Variants in HIKESHI observed in about 807,000 individuals in gnomAD.
HIKESHI encodes the protein heat shock protein nuclear import factor hikeshi, also known as protein Hikeshi.
Under a neutral mutation model 25.7 loss-of-function variants are expected in HIKESHI, and 13 were observed. The observed-to-expected ratio is 0.51, with a 90% CI of 0.33 to 0.80. The LOEUF (loss-of-function observed/expected upper bound fraction) is 0.80. Among genes scored for constraint, HIKESHI ranks in the 30% least tolerant of loss-of-function variants. The probability of loss-of-function intolerance (pLI) is 0.02; values close to 1 mark genes in which losing one functional copy is unlikely to be tolerated. For synonymous variants in HIKESHI, 76 were observed against 78.7 expected (o/e 0.97, Z 0.18); for missense variants, 174 against 229.5 (o/e 0.76, Z 1.56).
rs1369641472 is a variant in HIKESHI, at chr11:86,328,454, C to T, written c.269-8925C>T. 4.2e-5 allele frequency among the ~76,000 whole-genome samples: 6 copies of T among 144,368 alleles called. 1 individual carries two copies. Among genetic ancestry groups the T allele is most frequent in the South Asian group, 4.4e-4 (2 of 4,572 alleles). 94.7% of individuals were successfully genotyped at this position (144,368 alleles called of 152,430 possible). A position where few individuals can be genotyped will look rare whatever the true frequency, so the allele number is the denominator to read the frequency against. Reference sequence around the variant, plus strand: ...TTTTTGTTTTTTTTTTTTTTTGAGACGGAGTCTGGCTCTGTTGCCGAGGCT... The same window carrying T: ...TTTTTGTTTTTTTTTTTTTTTGAGATGGAGTCTGGCTCTGTTGCCGAGGCT... On this transcript the variant is annotated intron_variant, in intron 2 of 4. Transcript: ENST00000278483.
At chr11:86,331,242 C>A (rs947220687) in intron 2 of HIKESHI, among the ~76,000 whole-genome samples, 1 of 152,148 alleles carries the variant, frequency 6.6e-6, no homozygotes, top group Non-Finnish European at 1.5e-5. Flanking sequence ...GTAATCCCAG[C>A]ACTTTGGGAG....
intron 2 of HIKESHI, among the ~76,000 whole-genome samples, chr11:86,335,331 G>A (rs541317500): frequency 6.6e-6 from 1 of 152,300 alleles, no homozygotes; most frequent in East Asian, 1.9e-4. Context: ...ACTGTTGCCC[G>A]AGGCAAAGGA....
At chr11:86,345,215 A>C (rs147733341) in intron 4 of HIKESHI, 4 of 888,936 alleles carry the variant, frequency 4.5e-6, no homozygotes, top group Admixed American at 1.1e-4. Context: ...ATTTTGGCAT[A>C]ATGTAGCTAT....
intron 3 of HIKESHI, 133 bp downstream of exon 3, chr11:86,337,663 A>C: frequency 9.0e-7 from 1 of 1,116,908 alleles, no homozygotes; most frequent in Non-Finnish European, 1.2e-6. Flanking sequence ...GTTTTGTTTT[A>C]TTTTGTTTTT....
intron 1 of HIKESHI, among the ~76,000 whole-genome samples, chr11:86,305,399 A>G (rs967537335): frequency 6.6e-6 from 1 of 151,612 alleles, no homozygotes; most frequent in Non-Finnish European, 1.5e-5. Flanking sequence ...TTATTTATTT[A>G]TTTTTTTGAG....
chr11:86,340,084 C>T (rs1218458314), intron 3 of HIKESHI, among the ~76,000 whole-genome samples: 1 of 152,228 alleles, frequency 6.6e-6, no homozygotes, highest in East Asian at 1.9e-4. Flanking sequence ...TTGAACTCAC[C>T]CTTTTTTATA....
intron 2 of HIKESHI, among the ~76,000 whole-genome samples, chr11:86,317,486 C>A (rs1484606070): frequency 6.6e-6 from 1 of 152,086 alleles, no homozygotes; most frequent in Non-Finnish European, 1.5e-5. Flanking sequence ...TTTGAAAAGA[C>A]TGATGAAAAG....
At chr11:86,311,789 C>G (rs1281384378) in intron 2 of HIKESHI, among the ~76,000 whole-genome samples, 5 of 152,160 alleles carry the variant, frequency 3.3e-5, no homozygotes, top group Non-Finnish European at 5.9e-5. Context: ...CAAAGAACAT[C>G]TTTATTTCTG....
intron 2 of HIKESHI, among the ~76,000 whole-genome samples, chr11:86,321,690 C>G (rs1038374933): frequency 2.6e-5 from 4 of 151,950 alleles, no homozygotes; most frequent in Admixed American, 2.0e-4. Flanking sequence ...CCATTATGCC[C>G]GGCTGATTTT....
chr11:86,320,469 G>A (rs1334749518), intron 2 of HIKESHI, among the ~76,000 whole-genome samples: 4 of 152,176 alleles, frequency 2.6e-5, no homozygotes, highest in Non-Finnish European at 5.9e-5. Flanking sequence ...CCAGCTACTC[G>A]GGAGGCTGAG....
At chr11:86,305,060 CG>C (rs1358070544) in intron 1 of HIKESHI, among the ~76,000 whole-genome samples, 2 of 152,148 alleles carry the variant, frequency 1.3e-5, no homozygotes, top group Admixed American at 1.3e-4. Flanking sequence ...AGTGCAGTGG[CG>C]GGACCTCGGC....
chr11:86,315,150 C>G (rs748679973), intron 2 of HIKESHI, among the ~76,000 whole-genome samples: 6 of 152,030 alleles, frequency 3.9e-5, no homozygotes, highest in Non-Finnish European at 8.8e-5. Context: ...ATAGATAATT[C>G]AGTACATTCT....
intron 2 of HIKESHI, among the ~76,000 whole-genome samples, chr11:86,312,764 ATC>A (rs1946866183): frequency 6.6e-6 from 1 of 152,048 alleles, no homozygotes; most frequent in Non-Finnish European, 1.5e-5. Context: ...TGGTGACAAA[ATC>A]TCTCAGCATT....
chr11:86,309,905 G>C (rs1023389106), intron 2 of HIKESHI, among the ~76,000 whole-genome samples: 2 of 151,864 alleles, frequency 1.3e-5, no homozygotes, highest in African/African-American at 4.8e-5. Flanking sequence ...ATTTCCGAGG[G>C]CTCTATTCTG....
chr11:86,304,801 C>T lies in HIKESHI; in HGVS notation c.31-1444C>T, dbSNP rs147078464. On this transcript the variant is annotated intron_variant, in intron 1 of 4. Coordinates refer to ENST00000278483, the MANE Select transcript of HIKESHI (RefSeq NM_016401.4). ...AAAGTGCTGGGATTACAGGCATGAG[C>T]CACTGTGCCAGGCCTACAACTCACA... 1.5e-3 allele frequency among the ~76,000 whole-genome samples: 231 copies of T among 152,288 alleles called. 1 individual carries two copies. The highest frequency in any genetic ancestry group is 5.3e-3 in the African/African-American group (222 of 41,558).
At chr11:86,336,995 G>C (rs963794615) in intron 2 of HIKESHI, among the ~76,000 whole-genome samples, 2 of 150,964 alleles carry the variant, frequency 1.3e-5, no homozygotes, top group African/African-American at 4.9e-5. Context: ...ACTGTCTTTA[G>C]AGATGAAGGA....
chr11:86,341,839 T>G (rs1947740382), intron 3 of HIKESHI, among the ~76,000 whole-genome samples: 1 of 152,212 alleles, frequency 6.6e-6, no homozygotes, highest in African/African-American at 2.4e-5. Flanking sequence ...CTTGTTGATT[T>G]GTTCTTTTGT....
chr11:86,344,942 A>G, intron 4 of HIKESHI: 1 of 532,506 alleles, frequency 1.9e-6, no homozygotes, highest in Non-Finnish European at 3.1e-6. Context: ...AAGACAGGAA[A>G]ATATAGTTGC....
chr11:86,317,222 G>T (rs1565727625), intron 2 of HIKESHI, among the ~76,000 whole-genome samples: 1 of 152,136 alleles, frequency 6.6e-6, no homozygotes, highest in African/African-American at 2.4e-5. Context: ...CACAAGGAAT[G>T]AGATAATTTA....
Sources: gnomAD v4.1 joint callset for allele counts (sites outside exome capture counted in the v4.1 genomes callset) on GRCh38, gnomAD v4.1.1 for gene constraint, MANE v1.5 for transcripts, NCBI Gene and HGNC (gene_info 2026-07-23, HGNC 2026-07-21) for gene names.